Variants in SHROOM3 observed in about 807,000 individuals in gnomAD.
The protein encoded by SHROOM3 is protein Shroom3.
A neutral mutation model predicts 138.6 loss-of-function variants in SHROOM3; 47 were observed. That is an observed-to-expected ratio of 0.34 (90% CI 0.27 to 0.43). The LOEUF is 0.43. SHROOM3 is among the 20% of genes least tolerant of loss of function. SHROOM3 has a pLI of 1.00. For synonymous variants in SHROOM3, 1,062 were observed against 1,063.3 expected, an observed-to-expected ratio of 1.00 and a Z score of 0.02; for missense variants, 2,491 against 2,596.5, an observed-to-expected ratio of 0.96 and a Z score of 0.88.
At chr4:76,750,127 C>T (rs1365565042) in intron 6 of SHROOM3, among the ~76,000 whole-genome samples, 1 of 152,130 alleles carries the variant, frequency 6.6e-6, no homozygotes, top group East Asian at 1.9e-4. Flanking sequence ...TTTATATGCT[C>T]TTGCTCCTAT....
chr4:76,766,105 A>G (rs1722146888), intron 9 of SHROOM3, among the ~76,000 whole-genome samples: 1 of 152,210 alleles, frequency 6.6e-6, no homozygotes, highest in Non-Finnish European at 1.5e-5. Flanking sequence ...ATGGCCTTGA[A>G]CAAGTTAACC....
rs117952901 is a variant in SHROOM3, at chr4:76,654,205, G to A, written c.324-55951G>A. Among the ~76,000 whole-genome samples, 34 of 152,242 alleles carry A rather than the reference G, an allele frequency of 2.2e-4. No individual in the cohort carries two copies. In the East Asian group the frequency reaches 6.4e-3, roughly 29 times the overall value. On this transcript the variant is annotated intron_variant, in intron 2 of 10. Transcript: ENST00000296043. ...GGCATAATTCAGTGTTGCAGTTAAC[G>A]TCGAAGTGTAAGATAAGACACAGGT...
chr4:76,637,200 G>A (rs1227678688), intron 2 of SHROOM3, among the ~76,000 whole-genome samples: 1 of 152,178 alleles, frequency 6.6e-6, no homozygotes, highest in East Asian at 1.9e-4. Context: ...TCCTATTTAA[G>A]AAATCAGGGG....
chr4:76,720,100 C>A (rs1451067733), intron 3 of SHROOM3, among the ~76,000 whole-genome samples: 1 of 142,966 alleles, frequency 7.0e-6, no homozygotes, highest in Non-Finnish European at 1.5e-5. Context: ...TTTTTAAAGA[C>A]ACAGATATTA....
intron 5 of SHROOM3, among the ~76,000 whole-genome samples, chr4:76,742,784 A>G (rs559467510): frequency 1.3e-5 from 2 of 152,244 alleles, no homozygotes; most frequent in East Asian, 3.9e-4. Flanking sequence ...CTTCCCACCA[A>G]AGACAATAAT....
At chr4:76,572,772 C>G (rs1733858385) in intron 2 of SHROOM3, among the ~76,000 whole-genome samples, 1 of 152,128 alleles carries the variant, frequency 6.6e-6, no homozygotes, top group East Asian at 1.9e-4. Context: ...TTCTCTGCTA[C>G]CCAACTGCTT....
At chr4:76,542,984 C>A (rs1733137637) in intron 1 of SHROOM3, among the ~76,000 whole-genome samples, 1 of 152,134 alleles carries the variant, frequency 6.6e-6, no homozygotes, top group African/African-American at 2.4e-5. Flanking sequence ...CATGAACACT[C>A]CAGGAATGGC....
chr4:76,609,335 G>T (rs1734714109), intron 2 of SHROOM3, among the ~76,000 whole-genome samples: 1 of 152,138 alleles, frequency 6.6e-6, no homozygotes, highest in African/African-American at 2.4e-5. Context: ...TGTCAGCCAG[G>T]CTGGAACACA....
In SHROOM3 at chr4:76,773,112, C is replaced by T. The variant is rs538392888; in HGVS notation, c.5622+2214C>T. On this transcript the variant is annotated intron_variant, in intron 10 of 10. Coordinates refer to ENST00000296043, the MANE Select transcript of SHROOM3 (RefSeq NM_020859.4). Reference sequence around the variant, plus strand: ...TGAGCTAAGGCTGGGTGCAGTGGCTCACACCTGTAATCCCAGCACTTTGGG... The same window carrying T: ...TGAGCTAAGGCTGGGTGCAGTGGCTTACACCTGTAATCCCAGCACTTTGGG... Among the ~76,000 whole-genome samples, 24 of 152,182 alleles carry T rather than the reference C, an allele frequency of 1.6e-4. No homozygotes were observed. The South Asian group carries it at 1.7e-3, about 11-fold the overall frequency.
At chr4:76,463,237 T>A (rs1398797455) in intron 1 of SHROOM3, among the ~76,000 whole-genome samples, 1 of 152,200 alleles carries the variant, frequency 6.6e-6, no homozygotes, top group African/African-American at 2.4e-5. Flanking sequence ...CTTGTGATGC[T>A]TTAGCAAAGA....
rs547407129 is a variant in SHROOM3 at position 76,776,519 on chromosome 4, G to A, written c.5623-2290G>A. On this transcript the variant is annotated intron_variant, in intron 10 of 10. Transcript: ENST00000296043. ...GATTCTTTGTCATGAACTCTTTGCC[G>A]AAGCCAATGCCTAGAAGATTGTCTT... Among the ~76,000 whole-genome samples, 125 of 152,154 alleles carry A rather than the reference G, an allele frequency of 8.2e-4. 1 individual carries two copies. Among genetic ancestry groups the A allele is most frequent in the Non-Finnish European group, 1.4e-3 (97 of 67,964 alleles).
intron 2 of SHROOM3, among the ~76,000 whole-genome samples, chr4:76,694,821 G>A (rs921261162): frequency 1.3e-5 from 2 of 152,140 alleles, no homozygotes; most frequent in African/African-American, 2.4e-5. Flanking sequence ...TGTCTAATAC[G>A]TTTTGTGCTG....
At chr4:76,578,527 T>G (rs1452722254) in intron 2 of SHROOM3, among the ~76,000 whole-genome samples, 1 of 152,232 alleles carries the variant, frequency 6.6e-6, no homozygotes, top group Non-Finnish European at 1.5e-5. Context: ...CCTTACTTAT[T>G]TGAACACAGT....
At chr4:76,667,390 C>T (rs2110095999) in intron 2 of SHROOM3, among the ~76,000 whole-genome samples, 1 of 152,222 alleles carries the variant, frequency 6.6e-6, no homozygotes, top group East Asian at 1.9e-4. Flanking sequence ...GTGATCACGG[C>T]TTACTGCAGC....
chr4:76,441,086 G>GTTTATTTTTTTTTTT (rs1730660587), intron 1 of SHROOM3, among the ~76,000 whole-genome samples: 1 of 82,182 alleles, frequency 1.2e-5, no homozygotes, highest in African/African-American at 4.7e-5. Context: ...AGTTCAATTT[G>GTTTATTTTTTTTTTT]TTTTTTTTTT....
At chr4:76,565,160 C>CAAAAAAAAAAAAAAAAAAAAAAAAA in intron 2 of SHROOM3, among the ~76,000 whole-genome samples, 1 of 135,940 alleles carries the variant, frequency 7.4e-6, no homozygotes, top group African/African-American at 2.8e-5. Context: ...GACTCCATTT[C>CAAAAAAAAAAAAAAAAAAAAAAAAA]AAAAAAAAAA....
At chr4:76,594,534 T>C (rs555204398) in intron 2 of SHROOM3, among the ~76,000 whole-genome samples, 1 of 152,290 alleles carries the variant, frequency 6.6e-6, no homozygotes, top group South Asian at 2.1e-4. Context: ...TTAAAAAACA[T>C]AAAATTAGAG....
intron 2 of SHROOM3, among the ~76,000 whole-genome samples, chr4:76,603,959 C>G (rs1420558147): frequency 1.3e-5 from 2 of 150,918 alleles, no homozygotes; most frequent in Admixed American, 1.3e-4. Context: ...TCTCCTGCCT[C>G]AGCCTCCCGA....
chr4:76,667,706 CG>C (rs1425799705), intron 2 of SHROOM3, among the ~76,000 whole-genome samples: 1 of 151,690 alleles, frequency 6.6e-6, no homozygotes, highest in Non-Finnish European at 1.5e-5. Context: ...CGGTGGCTCA[CG>C]CCTGTAATCC....
Sources: allele counts gnomAD v4.1 joint callset (sites outside exome capture counted in the v4.1 genomes callset), GRCh38; gene constraint gnomAD v4.1.1; transcripts MANE v1.5; gene names NCBI Gene and HGNC (gene_info 2026-07-23, HGNC 2026-07-21).